IQCH: variants seen among roughly 807,000 people sequenced by gnomAD.
The protein encoded by IQCH is IQ motif containing H, also known as IQ domain-containing protein H.
Under a neutral mutation model 117.0 loss-of-function variants are expected in IQCH, and 98 were observed. The ratio of observed to expected loss-of-function variants is 0.84; its 90% CI spans 0.71 to 0.99. IQCH has a LOEUF of 0.99. IQCH is among the 50% of genes least tolerant of loss of function. The pLI is 0.00. For synonymous variants in IQCH, 412 were observed against 448.2 expected (o/e 0.92, Z 1.02); for missense variants, 1,102 against 1,243.8 (o/e 0.89, Z 1.72).
At chr15:67,318,059 A>G (rs1271501439) in intron 4 of IQCH, among the ~76,000 whole-genome samples, 1 of 152,290 alleles carries the variant, frequency 6.6e-6, no homozygotes, top group East Asian at 1.9e-4. Context: ...CTTTTTTCAC[A>G]TTCTCATTGA....
At chr15:67,314,024 C>T (rs1339124860) in intron 4 of IQCH, among the ~76,000 whole-genome samples, 3 of 152,132 alleles carry the variant, frequency 2.0e-5, no homozygotes, top group Non-Finnish European at 4.4e-5. Flanking sequence ...CTCTCTGTCC[C>T]TTTCATATAA....
At chr15:67,264,412 A>G (rs1965584794) in intron 3 of IQCH, among the ~76,000 whole-genome samples, 1 of 152,192 alleles carries the variant, frequency 6.6e-6, no homozygotes, top group Non-Finnish European at 1.5e-5. Flanking sequence ...GCTGCAATAT[A>G]AGTATTGACT....
chr15:67,290,367 A>G (rs1200224618), intron 4 of IQCH, among the ~76,000 whole-genome samples: 1 of 152,082 alleles, frequency 6.6e-6, no homozygotes, highest in African/African-American at 2.4e-5. Context: ...TCAAAATGTA[A>G]TCTTTTAAAA....
In IQCH at chr15:67,365,800, C is replaced by T. The variant is rs1212331054; in HGVS notation, c.753+5915C>T. Among the ~76,000 whole-genome samples the T allele has an allele frequency of 6.6e-6, 1 of 152,016 alleles. No individual in the cohort carries two copies. Among genetic ancestry groups the T allele is most frequent in the Non-Finnish European group, 1.5e-5 (1 of 68,008 alleles). ...TAAAAGTTAGCCGGGTGTGGTGGCG[C>T]GTGCCTGTAATCCTGGCTGCTCAGG... On this transcript the variant is annotated intron_variant, in intron 8 of 20. Coordinates refer to ENST00000335894, the MANE Select transcript of IQCH (RefSeq NM_001031715.3). This position sits in a 1 kb window ranked among gnomAD's most constrained non-coding sequence, Gnocchi z 4.4.
chr15:67,347,652 A>T (rs1231001281), intron 6 of IQCH, among the ~76,000 whole-genome samples: 1 of 151,542 alleles, frequency 6.6e-6, no homozygotes, highest in African/African-American at 2.4e-5. Flanking sequence ...GAATAGAAAG[A>T]AACACTTCCC....
intron 18 of IQCH, among the ~76,000 whole-genome samples, chr15:67,483,236 A>C (rs1416728589): frequency 2.6e-5 from 4 of 152,186 alleles, no homozygotes; most frequent in Admixed American, 2.6e-4. Context: ...AAAAGAACAG[A>C]AGGGCCAGGC....
intron 16 of IQCH, among the ~76,000 whole-genome samples, chr15:67,438,282 T>C (rs1450022000): frequency 6.6e-6 from 1 of 152,158 alleles, no homozygotes; most frequent in Non-Finnish European, 1.5e-5. Flanking sequence ...GCCAAGAATT[T>C]TGTATCCAGT....
In IQCH at chr15:67,364,652, T is replaced by C. The variant is rs184094386; in HGVS notation, c.753+4767T>C. 6.2e-4 allele frequency among the ~76,000 whole-genome samples: 95 copies of C among 152,262 alleles called. 1 individual carries two copies. The highest frequency in any genetic ancestry group is 4.3e-3 in the Admixed American group (65 of 15,292). On this transcript the variant is annotated intron_variant, in intron 8 of 20. Coordinates refer to ENST00000335894, the MANE Select transcript of IQCH (RefSeq NM_001031715.3). This position sits in a 1 kb window ranked among gnomAD's most constrained non-coding sequence, Gnocchi z 4.1. ...TTGTGACCTGATCATTCATAGAAAA[T>C]TTGGAAAATTCAGAAAAGAGAAAAA... is the stretch of plus-strand genomic sequence containing the variant.
chr15:67,337,883 G>A (rs1236462491), intron 5 of IQCH, among the ~76,000 whole-genome samples: 1 of 152,114 alleles, frequency 6.6e-6, no homozygotes. Context: ...GGTTCCCAAA[G>A]GTTCTTCTGC....
chr15:67,263,563 A>G (rs916695960), intron 3 of IQCH, among the ~76,000 whole-genome samples: 5 of 152,210 alleles, frequency 3.3e-5, no homozygotes, highest in Non-Finnish European at 7.3e-5. Context: ...TTGAGTTCTA[A>G]TGCTTGACAC....
chr15:67,445,029 A>G lies in IQCH; in HGVS notation c.2506-20098A>G, dbSNP rs60357413. ...GCCCTTCTGTCATTTTAAATTATTTATGTTTCTTAGAAATAATGAATTTGA... is the reference window on the plus strand; with the variant it reads ...GCCCTTCTGTCATTTTAAATTATTTGTGTTTCTTAGAAATAATGAATTTGA... On this transcript the variant is annotated intron_variant, in intron 16 of 20. Transcript: ENST00000335894. This position sits in a 1 kb window ranked among gnomAD's most constrained non-coding sequence, Gnocchi z 4.3. 0.14 allele frequency among the ~76,000 whole-genome samples: 21,264 copies of G among 152,114 alleles called. 1,553 individuals are homozygous for G. The highest frequency in any genetic ancestry group is 0.21 in the East Asian group (1,076 of 5,178).
chr15:67,488,821 G>A (rs921035408), intron 18 of IQCH, among the ~76,000 whole-genome samples: 1 of 152,086 alleles, frequency 6.6e-6, no homozygotes. Flanking sequence ...CCGCTGATCT[G>A]ACAGGAGACG....
At chr15:67,469,100 A>G (rs953076007) in intron 17 of IQCH, among the ~76,000 whole-genome samples, 2 of 150,002 alleles carry the variant, frequency 1.3e-5, no homozygotes, top group African/African-American at 4.9e-5. Flanking sequence ...GTTTAATAAG[A>G]CTAGACTTCT....
At position 67,475,767 on chromosome 15, in the gene IQCH, C is replaced by T; in HGVS notation, c.2748C>T (p.His916=). ...ACAGCAATCTCTCACTGGTTTTCCACTATGTTTTTCTCCAGATCTGTAGGG... is the reference window on the plus strand; with the variant it reads ...ACAGCAATCTCTCACTGGTTTTCCATTATGTTTTTCTCCAGATCTGTAGGG... ...LRHSNLSLVF[H]YVFLQICRAH... The change falls in exon 18 of 21, where the codon CAC becomes CAT. Residue 916 remains histidine (H), a synonymous_variant. Transcript: ENST00000335894. The surrounding 1 kb of genome is among the most constrained non-coding windows in gnomAD (Gnocchi z 5.7). 1 of 1,614,130 alleles carries T rather than the reference C, an allele frequency of 6.2e-7. No individual in the cohort carries two copies. Among genetic ancestry groups the T allele is most frequent in the Non-Finnish European group, 8.5e-7 (1 of 1,179,974 alleles).
chr15:67,261,714 T>C (rs985360248), intron 2 of IQCH, among the ~76,000 whole-genome samples: 3 of 152,178 alleles, frequency 2.0e-5, no homozygotes, highest in African/African-American at 2.4e-5. Flanking sequence ...CAAGAAGCGA[T>C]GAAAAATAAT....
intron 4 of IQCH, among the ~76,000 whole-genome samples, chr15:67,316,307 A>G (rs1489357852): frequency 6.6e-6 from 1 of 152,180 alleles, no homozygotes; most frequent in African/African-American, 2.4e-5. Flanking sequence ...TTTACTCCAT[A>G]TCTAATACTG....
chr15:67,423,534 G>C (rs1397026341), intron 16 of IQCH, among the ~76,000 whole-genome samples: 1 of 149,952 alleles, frequency 6.7e-6, no homozygotes, highest in Non-Finnish European at 1.5e-5. Context: ...TCTGCAGTGA[G>C]CCAGGATCGC....
At chr15:67,288,588 C>A (rs962394802) in intron 4 of IQCH, among the ~76,000 whole-genome samples, 2 of 152,076 alleles carry the variant, frequency 1.3e-5, no homozygotes, top group African/African-American at 4.8e-5. Context: ...TTTCCATTTA[C>A]ATGGAATATC....
At chr15:67,312,044 C>T (rs1420662731) in intron 4 of IQCH, among the ~76,000 whole-genome samples, 1 of 152,130 alleles carries the variant, frequency 6.6e-6, no homozygotes, top group Non-Finnish European at 1.5e-5. Context: ...TGTGCCTTTT[C>T]ACTTTATGAC....
Sources: gnomAD v4.1 joint callset for allele counts (sites outside exome capture counted in the v4.1 genomes callset) on GRCh38, gnomAD v4.1.1 for gene constraint, Gnocchi (gnomAD v3.1) non-coding constraint, MANE v1.5 for transcripts, NCBI Gene and HGNC (gene_info 2026-07-23, HGNC 2026-07-21) for gene names.